The following NKAIN2 variants were observed in gnomAD, a reference collection of about 807,000 sequenced individuals.
The protein encoded by NKAIN2 is sodium/potassium-transporting ATPase subunit beta-1-interacting protein 2.
In NKAIN2, 14 loss-of-function variants were observed where a neutral mutation model predicts 32.6. The observed-to-expected ratio is 0.43, with a 90% CI of 0.28 to 0.67. The LOEUF is 0.67. Ranked by LOEUF, NKAIN2 falls within the 30% of genes least tolerant of loss-of-function variation. The pLI is 0.17. For missense variants in NKAIN2, 198 were observed against 258.3 expected (o/e 0.77, Z 1.60); for synonymous variants, 80 against 87.2 (o/e 0.92, Z 0.46).
chr6:124,266,823 T>C (rs1200488098), intron 1 of NKAIN2, among the ~76,000 whole-genome samples: 6 of 152,182 alleles, frequency 3.9e-5, no homozygotes, highest in Non-Finnish European at 8.8e-5. Context: ...TGCATGGATA[T>C]AGATATAAAC....
intron 2 of NKAIN2, among the ~76,000 whole-genome samples, chr6:124,334,079 G>A (rs935934179): frequency 4.6e-5 from 7 of 152,130 alleles, no homozygotes; most frequent in African/African-American, 1.7e-4. Flanking sequence ...GTCTTATGTG[G>A]TATGCATTTA....
intron 4 of NKAIN2, among the ~76,000 whole-genome samples, chr6:124,664,493 C>T (rs192935644): frequency 1.3e-5 from 2 of 151,744 alleles, no homozygotes; most frequent in Non-Finnish European, 2.9e-5. Flanking sequence ...CAAATTTATA[C>T]CTATACATAG....
chr6:123,843,473 A>C (rs1381029674), intron 1 of NKAIN2, among the ~76,000 whole-genome samples: 1 of 151,986 alleles, frequency 6.6e-6, no homozygotes, highest in Admixed American at 6.6e-5. Context: ...CCCCTTTGCC[A>C]GGGGAGCTTG....
chr6:124,747,495 T>G (rs1289980574), intron 4 of NKAIN2, among the ~76,000 whole-genome samples: 3 of 151,832 alleles, frequency 2.0e-5, no homozygotes, highest in African/African-American at 7.2e-5. Context: ...CAGCTGCACC[T>G]TATCAGAGAA....
At chr6:124,792,685 A>G (rs1779800270) in intron 5 of NKAIN2, among the ~76,000 whole-genome samples, 1 of 152,174 alleles carries the variant, frequency 6.6e-6, no homozygotes, top group East Asian at 1.9e-4. Context: ...AGCTTGATCT[A>G]GAAAGATGAA....
At chr6:124,270,143 C>A (rs1466490136) in intron 1 of NKAIN2, among the ~76,000 whole-genome samples, 1 of 152,130 alleles carries the variant, frequency 6.6e-6, no homozygotes, top group East Asian at 1.9e-4. Flanking sequence ...CACGCTTCCA[C>A]CTGCAATCCT....
At chr6:124,723,207 A>C (rs1776109774) in intron 4 of NKAIN2, among the ~76,000 whole-genome samples, 1 of 152,250 alleles carries the variant, frequency 6.6e-6, no homozygotes, top group South Asian at 2.1e-4. Flanking sequence ...ATAAACTAAG[A>C]TTATGTAGAA....
At chr6:124,728,806 G>T (rs78224742) in intron 4 of NKAIN2, among the ~76,000 whole-genome samples, 2 of 144,978 alleles carry the variant, frequency 1.4e-5, no homozygotes, top group East Asian at 4.4e-4. Context: ...TTGATAGACC[G>T]CTAGCAAGAC....
intron 1 of NKAIN2, among the ~76,000 whole-genome samples, chr6:124,104,268 A>G (rs1785019137): frequency 6.6e-6 from 1 of 152,168 alleles, no homozygotes; most frequent in African/African-American, 2.4e-5. Flanking sequence ...TCTTCATGGA[A>G]AAACTTTGAA....
intron 3 of NKAIN2, among the ~76,000 whole-genome samples, chr6:124,549,416 T>C (rs1780209181): frequency 6.6e-6 from 1 of 152,108 alleles, no homozygotes; most frequent in Admixed American, 6.5e-5. Context: ...TTTGAGGTAA[T>C]TTTAGGTTTT....
intron 1 of NKAIN2, among the ~76,000 whole-genome samples, chr6:123,943,940 A>G (rs1009862419): frequency 6.6e-6 from 1 of 152,024 alleles, no homozygotes; most frequent in Non-Finnish European, 1.5e-5. Flanking sequence ...ATTGGTCCTC[A>G]CTGAATTTAA....
intron 3 of NKAIN2, among the ~76,000 whole-genome samples, chr6:124,627,748 G>A (rs1434412342): frequency 2.0e-5 from 3 of 152,068 alleles, no homozygotes; most frequent in Admixed American, 6.6e-5. Flanking sequence ...AGTCGTCTTA[G>A]TTATTTCAGC....
At chr6:124,706,991 TC>T (rs1307380949) in intron 4 of NKAIN2, among the ~76,000 whole-genome samples, 1 of 77,424 alleles carries the variant, frequency 1.3e-5, no homozygotes, top group Non-Finnish European at 2.6e-5. Context: ...CCGTCCCCCC[TC>T]CCCCCACCCC....
At chr6:124,211,431 A>G (rs560700113) in intron 1 of NKAIN2, among the ~76,000 whole-genome samples, 1 of 152,062 alleles carries the variant, frequency 6.6e-6, no homozygotes, top group East Asian at 1.9e-4. Flanking sequence ...TGTTTTGGGA[A>G]TAGTGCAAAT....
At chr6:124,435,810 A>G (rs1282346869) in intron 3 of NKAIN2, among the ~76,000 whole-genome samples, 3 of 152,162 alleles carry the variant, frequency 2.0e-5, no homozygotes, top group African/African-American at 7.2e-5. Context: ...CTAATCCTTT[A>G]TATTAAAAAG....
intron 4 of NKAIN2, among the ~76,000 whole-genome samples, chr6:124,721,024 T>C (rs1035648589): frequency 6.6e-6 from 1 of 152,320 alleles, no homozygotes; most frequent in South Asian, 2.1e-4. Flanking sequence ...GAACCTCTTT[T>C]ACATTTGGCA....
intron 3 of NKAIN2, among the ~76,000 whole-genome samples, chr6:124,591,630 A>G (rs1250310316): frequency 6.6e-6 from 1 of 152,128 alleles, no homozygotes; most frequent in African/African-American, 2.4e-5. Flanking sequence ...TCTATTGTTC[A>G]TATAGTTTTT....
At chr6:124,360,398 C>A (rs1799227482) in intron 3 of NKAIN2, among the ~76,000 whole-genome samples, 1 of 152,070 alleles carries the variant, frequency 6.6e-6, no homozygotes, top group South Asian at 2.1e-4. Context: ...TTATAGTAAT[C>A]AACCAACTCA....
intron 3 of NKAIN2, among the ~76,000 whole-genome samples, chr6:124,485,508 A>G (rs1000264908): frequency 6.6e-6 from 1 of 152,100 alleles, no homozygotes; most frequent in African/African-American, 2.4e-5. Context: ...AAATAAATAC[A>G]TGTTAAAATA....
Sources: gnomAD v4.1 joint callset for allele counts (sites outside exome capture counted in the v4.1 genomes callset) on GRCh38, gnomAD v4.1.1 for gene constraint, MANE v1.5 for transcripts, NCBI Gene and HGNC (gene_info 2026-07-23, HGNC 2026-07-21) for gene names.